Variants in PBX3 observed in about 807,000 individuals in gnomAD.
PBX3 encodes pre-B-cell leukemia transcription factor 3.
PBX3 carries 14 observed loss-of-function variants against 48.5 expected under a neutral mutation model. The observed-to-expected ratio is 0.29, with a 90% CI of 0.19 to 0.45. PBX3 has a LOEUF of 0.45. PBX3 is among the 20% of genes least tolerant of loss of function. The probability of loss-of-function intolerance (pLI) is 1.00; values close to 1 mark genes in which losing one functional copy is unlikely to be tolerated. For synonymous variants in PBX3, 210 were observed against 200.3 expected (o/e 1.05, Z -0.41); for missense variants, 386 against 546.7 (o/e 0.71, Z 2.93).
intron 5 of PBX3, among the ~76,000 whole-genome samples, chr9:125,937,881 G>C (rs935642040): frequency 6.6e-6 from 1 of 152,092 alleles, no homozygotes; most frequent in Non-Finnish European, 1.5e-5. Context: ...AGCTGGTCTC[G>C]AACTCCTGGC....
chr9:125,876,371 T>C (rs1452685543), intron 2 of PBX3, among the ~76,000 whole-genome samples: 2 of 152,178 alleles, frequency 1.3e-5, no homozygotes, highest in Admixed American at 6.5e-5. Context: ...CTGATTTCCT[T>C]CCACCTCTGC....
At chr9:125,881,803 C>T (rs1188963442) in intron 2 of PBX3, among the ~76,000 whole-genome samples, 3 of 151,904 alleles carry the variant, frequency 2.0e-5, no homozygotes, top group African/African-American at 7.2e-5. Context: ...TCTAGACTTA[C>T]AAATCCTTAA....
At chr9:125,916,028 A>C in intron 3 of PBX3, 101 bp downstream of exon 3, 1 of 1,451,300 alleles carries the variant, frequency 6.9e-7, no homozygotes, top group South Asian at 1.4e-5. Context: ...AGGTGTTAAC[A>C]CAAATTACAA....
At chr9:125,856,717 T>C (rs140097248) in intron 2 of PBX3, among the ~76,000 whole-genome samples, 16 of 152,360 alleles carry the variant, frequency 1.1e-4, no homozygotes, top group African/African-American at 3.8e-4. Flanking sequence ...AAATCAATAG[T>C]GTCAGAATTT....
At chr9:125,866,594 A>T (rs1450031421) in intron 2 of PBX3, among the ~76,000 whole-genome samples, 2 of 152,182 alleles carry the variant, frequency 1.3e-5, no homozygotes, top group East Asian at 3.8e-4. Context: ...TGGCTATTTT[A>T]TTAGAGGAAT....
chr9:125,835,169 G>A (rs569333793), intron 2 of PBX3, among the ~76,000 whole-genome samples: 13 of 152,000 alleles, frequency 8.6e-5, no homozygotes, highest in African/African-American at 3.1e-4. Flanking sequence ...TACTTATTGA[G>A]TGTTTACTAT....
chr9:125,836,233 C>T (rs533740148), intron 2 of PBX3, among the ~76,000 whole-genome samples: 3 of 152,232 alleles, frequency 2.0e-5, no homozygotes, highest in Admixed American at 6.5e-5. Flanking sequence ...ATCATGAGGT[C>T]AAGAGATCGA....
rs7862933 is a variant in PBX3, at chr9:125,781,413, G to T, written c.274+32790G>T. Among the ~76,000 whole-genome samples, 357 of 151,568 alleles carry T rather than the reference G, an allele frequency of 2.4e-3. 3 individuals are homozygous for T. Among genetic ancestry groups the T allele is most frequent in the African/African-American group, 8.4e-3 (347 of 41,306 alleles). ...CGCGCGCCTGCAATCGCAGGCACTC[G>T]GCCGGCTGAGGCAGGAGAATCAGGC... On this transcript the variant is annotated intron_variant, in intron 2 of 8. Coordinates refer to ENST00000373489, the MANE Select transcript of PBX3 (RefSeq NM_006195.6).
intron 1 of PBX3, 76 bp from the exon 2 acceptor site, chr9:125,748,474 G>T (rs1836271095): frequency 8.3e-6 from 13 of 1,568,380 alleles, no homozygotes; most frequent in Non-Finnish European, 1.0e-5. Flanking sequence ...TAAATCTTGG[G>T]TCTAACTTAA....
intron 5 of PBX3, among the ~76,000 whole-genome samples, chr9:125,953,887 G>A (rs1264676716): frequency 1.3e-5 from 2 of 152,098 alleles, no homozygotes; most frequent in Non-Finnish European, 2.9e-5. Flanking sequence ...TTGGGGGGAC[G>A]CATACTGTAC....
intron 2 of PBX3, among the ~76,000 whole-genome samples, chr9:125,780,180 C>G: frequency 7.6e-6 from 1 of 131,192 alleles, no homozygotes; most frequent in South Asian, 2.5e-4. Flanking sequence ...GGCGGCTGGC[C>G]GGGCGAGGTG....
intron 2 of PBX3, among the ~76,000 whole-genome samples, chr9:125,762,391 T>G (rs1446249907): frequency 6.6e-6 from 1 of 152,218 alleles, no homozygotes; most frequent in Admixed American, 6.5e-5. Context: ...TCTTTACCTT[T>G]GAGTTATTTT....
rs1451326166 is a variant in PBX3, at chr9:125,747,470, G to A, written c.17G>A (p.Arg6Lys). 1 of 1,568,140 alleles carries A rather than the reference G, an allele frequency of 6.4e-7. No individual in the cohort carries two copies. Among genetic ancestry groups the A allele is most frequent in the Admixed American group, 1.8e-5 (1 of 55,188 alleles). The stretch of plus-strand genomic sequence containing the variant: ...CGCGGCGGGATGGACGATCAATCCA[G>A]GATGCTGCAGACTCTGGCCGGGGTG... MDDQS[R>K]MLQTLAGVNL... The change falls in exon 1 of 9, where the codon AGG becomes AAG. Residue 6 changes from arginine to lysine, a missense_variant. By Grantham distance (26) the Arg-to-Lys change is conservative. Coordinates refer to ENST00000373489, the MANE Select transcript of PBX3 (RefSeq NM_006195.6).
intron 2 of PBX3, among the ~76,000 whole-genome samples, chr9:125,797,164 A>G (rs1421951182): frequency 6.6e-6 from 1 of 152,148 alleles, no homozygotes; most frequent in African/African-American, 2.4e-5. Context: ...GCAGAAATAT[A>G]TTTTAAAAAA....
chr9:125,883,643 A>G (rs1295133077), intron 2 of PBX3, among the ~76,000 whole-genome samples: 1 of 151,706 alleles, frequency 6.6e-6, no homozygotes, highest in Non-Finnish European at 1.5e-5. Flanking sequence ...TTGCATGGTC[A>G]TATGTTGTAA....
At chr9:125,783,868 G>A (rs1008378757) in intron 2 of PBX3, among the ~76,000 whole-genome samples, 2 of 151,974 alleles carry the variant, frequency 1.3e-5, no homozygotes, top group Non-Finnish European at 2.9e-5. Flanking sequence ...GGGCATGGTG[G>A]CGCACGCCTA....
chr9:125,909,524 C>T (rs1011476560), intron 2 of PBX3, among the ~76,000 whole-genome samples: 1 of 152,060 alleles, frequency 6.6e-6, no homozygotes, highest in Non-Finnish European at 1.5e-5. Flanking sequence ...GGCTCTTCTG[C>T]GTAAAGTATT....
chr9:125,863,970 C>T (rs1411911522), intron 2 of PBX3, among the ~76,000 whole-genome samples: 2 of 152,054 alleles, frequency 1.3e-5, no homozygotes, highest in African/African-American at 4.8e-5. Context: ...AAGCAGGCAA[C>T]GATGGGGAGA....
intron 5 of PBX3, among the ~76,000 whole-genome samples, chr9:125,952,496 G>T (rs1842215391): frequency 6.6e-6 from 1 of 152,226 alleles, no homozygotes; most frequent in Admixed American, 6.5e-5. Context: ...TTGGCTTTCA[G>T]TGACTGTAGA....
Sources: allele counts gnomAD v4.1 joint callset (sites outside exome capture counted in the v4.1 genomes callset), GRCh38; gene constraint gnomAD v4.1.1; transcripts MANE v1.5; gene names NCBI Gene and HGNC (gene_info 2026-07-23, HGNC 2026-07-21).